The following PEAK1 variants were observed in gnomAD, a reference collection of about 807,000 sequenced individuals.
The protein encoded by PEAK1 is pseudopodium enriched atypical kinase 1.
A neutral mutation model predicts 124.7 loss-of-function variants in PEAK1; 54 were observed. The ratio of observed to expected loss-of-function variants is 0.43; its 90% CI spans 0.35 to 0.54. PEAK1 has a LOEUF of 0.54. Ranked by LOEUF, PEAK1 falls within the 20% of genes least tolerant of loss-of-function variation. The probability of loss-of-function intolerance (pLI) is 0.01; values close to 1 mark genes in which losing one functional copy is unlikely to be tolerated. For missense variants in PEAK1, 2,046 were observed against 2,134.5 expected (o/e 0.96, Z 0.82); for synonymous variants, 719 against 760.0 (o/e 0.95, Z 0.89).
chr15:77,366,648 C>T (rs1024519534), intron 1 of PEAK1, among the ~76,000 whole-genome samples: 2 of 152,244 alleles, frequency 1.3e-5, no homozygotes, highest in African/African-American at 4.8e-5. Flanking sequence ...CTAGACCTCC[C>T]AGGCTCGAGT....
chr15:77,190,148 A>G (rs2057761216), intron 6 of PEAK1, among the ~76,000 whole-genome samples: 1 of 152,220 alleles, frequency 6.6e-6, no homozygotes, highest in South Asian at 2.1e-4. Context: ...TCCAATTAAA[A>G]GAAATTTTAC....
intron 6 of PEAK1, among the ~76,000 whole-genome samples, chr15:77,203,288 G>A (rs1443453839): frequency 2.6e-5 from 4 of 152,128 alleles, no homozygotes; most frequent in Admixed American, 1.3e-4. Context: ...GTGGACCCAC[G>A]CCGTTCAAAC....
intron 2 of PEAK1, chr15:77,336,291 C>A (rs2066194942): frequency 1.0e-6 from 1 of 985,290 alleles, no homozygotes; most frequent in African/African-American, 1.7e-5. Context: ...AAACTGTCCA[C>A]ATGGCTGGTA....
At chr15:77,407,778 G>A (rs2071952895) in intron 1 of PEAK1, among the ~76,000 whole-genome samples, 1 of 151,956 alleles carries the variant, frequency 6.6e-6, no homozygotes, top group South Asian at 2.1e-4. Flanking sequence ...AGGAAAAGAA[G>A]TCATCATATG....
At chr15:77,191,123 T>G (rs1416520698) in intron 6 of PEAK1, among the ~76,000 whole-genome samples, 3 of 152,206 alleles carry the variant, frequency 2.0e-5, no homozygotes, top group Non-Finnish European at 4.4e-5. Context: ...GTTTGAAAAG[T>G]AGTGCTTAAA....
At chr15:77,336,605 A>G in intron 2 of PEAK1, 4 of 936,326 alleles carry the variant, frequency 4.3e-6, no homozygotes, top group Non-Finnish European at 5.1e-6. Context: ...CCTACAGAGC[A>G]ATCTGGCAAT....
chr15:77,180,093 C>T lies in PEAK1; in HGVS notation c.1834G>A (p.Asp612Asn). Reference protein sequence around the residue: ...GMPPFPIIIHDEPTYARSSKN... With the variant: ...GMPPFPIIIHNEPTYARSSKN... ...GAACTCCGAGCATAAGTTGGCTCGT[C>T]ATGAATGATAATTGGAAAAGGTGGC... The change falls in exon 7 of 10, where the codon GAC (aspartate) becomes AAC (asparagine). Residue 612 changes from aspartate (D) to asparagine (N), a missense_variant. Coordinates refer to ENST00000682557, the MANE Select transcript of PEAK1 (RefSeq NM_001385026.1). The T allele has an allele frequency of 6.2e-7, 1 of 1,614,070 alleles. No homozygotes were observed. Among genetic ancestry groups the T allele is most frequent in the Non-Finnish European group, 8.5e-7 (1 of 1,180,002 alleles).
chr15:77,180,041 A>G lies in PEAK1; in HGVS notation c.1886T>C (p.Val629Ala), dbSNP rs1442829911. Residue 629 changes from valine (V) to alanine (A), a missense_variant, in exon 7 of 10, where the codon GTT (valine) becomes GCT (alanine). Val to Ala is a moderately conservative substitution (Grantham distance 64). Coordinates refer to ENST00000682557, the MANE Select transcript of PEAK1 (RefSeq NM_001385026.1). ...SSKNAIKVPI[V>A]INPNAYDNLA... The stretch of plus-strand genomic sequence containing the variant: ...ATTGTCATATGCATTTGGATTGATA[A>G]CAATGGGAACTTTGATAGCATTTTT... The G allele has an allele frequency of 6.2e-7, 1 of 1,613,934 alleles. No individual in the cohort carries two copies. The highest frequency in any genetic ancestry group is 8.5e-7 in the Non-Finnish European group (1 of 1,179,922).
chr15:77,268,114 C>G (rs939588333), intron 5 of PEAK1, among the ~76,000 whole-genome samples: 1 of 152,072 alleles, frequency 6.6e-6, no homozygotes, highest in Middle Eastern at 3.2e-3. Context: ...GAAAGAATAT[C>G]AAGTTTGCAG....
chr15:77,412,986 ATATC>A (rs1468878025), intron 1 of PEAK1, among the ~76,000 whole-genome samples: 2 of 152,238 alleles, frequency 1.3e-5, no homozygotes, highest in African/African-American at 4.8e-5. Flanking sequence ...AATAAAATAA[ATATC>A]TATGAATTTG....
chr15:77,298,137 C>G (rs185605029), intron 2 of PEAK1, among the ~76,000 whole-genome samples: 1 of 99,588 alleles, frequency 1.0e-5, no homozygotes, highest in Admixed American at 1.1e-4. Flanking sequence ...AATCTGCCCT[C>G]TGATCTTTAT....
At chr15:77,154,813 C>T (rs2054975890) in intron 8 of PEAK1, among the ~76,000 whole-genome samples, 2 of 151,806 alleles carry the variant, frequency 1.3e-5, no homozygotes, top group African/African-American at 4.8e-5. Context: ...GAATATTGGC[C>T]CCCACTCTCT....
At chr15:77,354,663 CAT>C (rs1426875733) in intron 2 of PEAK1, among the ~76,000 whole-genome samples, 1 of 152,226 alleles carries the variant, frequency 6.6e-6, no homozygotes, top group Non-Finnish European at 1.5e-5. Flanking sequence ...GTTATGAATA[CAT>C]AGTTTTCTCT....
intron 2 of PEAK1, among the ~76,000 whole-genome samples, chr15:77,290,158 C>CA (rs2152978015): frequency 1.3e-5 from 2 of 152,180 alleles, no homozygotes; most frequent in African/African-American, 4.8e-5. Context: ...CAGAGTCTCA[C>CA]TCTGTTGCCC....
At chr15:77,158,186 A>G (rs543499878) in intron 8 of PEAK1, 15 of 217,382 alleles carry the variant, frequency 6.9e-5, no homozygotes, top group South Asian at 1.1e-4. Context: ...TTAAAAATAT[A>G]CCATGTGTAT....
chr15:77,404,530 A>T (rs2071642240), intron 1 of PEAK1: 1 of 595,404 alleles, frequency 1.7e-6, no homozygotes, highest in African/African-American at 2.0e-5. Context: ...ATTAAAATTA[A>T]TTTCACCTGC....
rs545265131 is a variant in PEAK1, at chr15:77,114,035, G to A, written c.*121C>T. 160 of 1,055,192 alleles carry A rather than the reference G, an allele frequency of 1.5e-4. No homozygotes were observed. The East Asian group carries it at 3.3e-3, about 22-fold the overall frequency. 65.4% of individuals were successfully genotyped at this position (1,055,192 alleles called of 1,614,324 possible). ...TTTCTGAATAGACCCACTTGTTCACGGACAGGGATAGAGGTTTGCCTTTCT... is the reference window on the plus strand; with the variant it reads ...TTTCTGAATAGACCCACTTGTTCACAGACAGGGATAGAGGTTTGCCTTTCT... On this transcript the variant is annotated 3_prime_UTR_variant, in exon 10 of 10. Transcript: ENST00000682557.
intron 1 of PEAK1, among the ~76,000 whole-genome samples, chr15:77,412,006 T>A (rs1035806197): frequency 6.6e-6 from 1 of 152,210 alleles, no homozygotes. Context: ...GAGGGAGTGA[T>A]GTTAACCCCA....
At chr15:77,187,719 T>C (rs2057617993) in intron 6 of PEAK1, among the ~76,000 whole-genome samples, 1 of 152,204 alleles carries the variant, frequency 6.6e-6, no homozygotes, top group African/African-American at 2.4e-5. Context: ...CACATTGCCA[T>C]GGAGGCAGAG....
Sources: gnomAD v4.1 joint callset for allele counts (sites outside exome capture counted in the v4.1 genomes callset) on GRCh38, gnomAD v4.1.1 for gene constraint, MANE v1.5 for transcripts, NCBI Gene and HGNC (gene_info 2026-07-23, HGNC 2026-07-21) for gene names.